The following ABL1 variants were observed in gnomAD, a reference collection of about 807,000 sequenced individuals.
ABL1 encodes tyrosine-protein kinase ABL1.
ABL1 carries 11 observed loss-of-function variants against 94.7 expected under a neutral mutation model. The observed-to-expected ratio is 0.12, with a 90% CI of 0.07 to 0.19. The LOEUF (loss-of-function observed/expected upper bound fraction) is 0.19. Ranked by LOEUF, ABL1 falls within the 10% of genes least tolerant of loss-of-function variation. The pLI is 1.00. For synonymous variants in ABL1, 656 were observed against 622.4 expected (o/e 1.05, Z -0.80); for missense variants, 1,082 against 1,489.4 (o/e 0.73, Z 4.50).
Position 130,887,482 on chromosome 9 carries a change from C to T in ABL1, c.*1799C>T, listed in dbSNP as rs1831608455. 1 of 233,232 alleles carries T rather than the reference C, an allele frequency of 4.3e-6. No homozygotes were observed. The highest frequency in any genetic ancestry group is 5.6e-5 in the Admixed American group (1 of 17,744). 14.4% of individuals were successfully genotyped at this position (233,232 alleles called of 1,614,324 possible). A position where few individuals can be genotyped will look rare whatever the true frequency, so the allele number is the denominator to read the frequency against. ...TTTACACGTATCTCTTGGTATGCATCTTTTATAGACGCTCTTTTCTAAGTG... is the reference window on the plus strand; with the variant it reads ...TTTACACGTATCTCTTGGTATGCATTTTTTATAGACGCTCTTTTCTAAGTG... On this transcript the variant is annotated 3_prime_UTR_variant, in exon 11 of 11. Coordinates refer to ENST00000318560, the MANE Select transcript of ABL1 (RefSeq NM_005157.6).
intron 4 of ABL1, among the ~76,000 whole-genome samples, chr9:130,864,899 A>C (rs1296771670): frequency 3.3e-5 from 5 of 152,218 alleles, no homozygotes. Flanking sequence ...TTCCAAGCGC[A>C]AAATACCCTA....
At chr9:130,714,547 TC>T (rs1831411889) in intron 1 of ABL1, 1 of 1,486,192 alleles carries the variant, frequency 6.7e-7, no homozygotes, top group South Asian at 1.1e-5. Flanking sequence ...TTGCGACAGT[TC>T]CTTCCAATTC....
intron 1 of ABL1, among the ~76,000 whole-genome samples, chr9:130,720,947 T>G (rs753436738): frequency 5.9e-5 from 9 of 151,334 alleles, no homozygotes; most frequent in Non-Finnish European, 1.3e-4. Flanking sequence ...GCTGCAGTGG[T>G]AAGCTGTGAT....
chr9:130,735,961 A>ATATATATATATTTTTT (rs573602038), intron 1 of ABL1, among the ~76,000 whole-genome samples: 22 of 94,832 alleles, frequency 2.3e-4, no homozygotes, highest in African/African-American at 8.3e-4. Flanking sequence ...ATATATATAT[A>ATATATATATATTTTTT]TTTTTTTTTT....
rs375101443 is a variant in ABL1, at chr9:130,856,158, G to A, written c.549+1062G>A. 3.2e-4 allele frequency among the ~76,000 whole-genome samples: 49 copies of A among 152,248 alleles called. 1 individual carries two copies. In the East Asian group the frequency reaches 5.6e-3, roughly 17 times the overall value. On this transcript the variant is annotated intron_variant, in intron 3 of 10. Coordinates refer to ENST00000318560, the MANE Select transcript of ABL1 (RefSeq NM_005157.6). Reference sequence around the variant, plus strand: ...AGCTGGAGTGCAATGGTGCGTTCTCGGCTTACTGCAACCTCCACCTCCCGG... The same window carrying A: ...AGCTGGAGTGCAATGGTGCGTTCTCAGCTTACTGCAACCTCCACCTCCCGG...
rs35188504 is a variant in ABL1, at chr9:130,718,317, CA to C, written c.136+3882del. Among the ~76,000 whole-genome samples, 194 of 73,050 alleles carry C rather than the reference CA, an allele frequency of 2.7e-3. 1 individual carries two copies. The highest frequency in any genetic ancestry group is 8.6e-3 in the Middle Eastern group (1 of 116). 47.9% of individuals were successfully genotyped at this position (73,050 alleles called of 152,430 possible). On this transcript the variant is annotated intron_variant, in intron 1 of 10. Coordinates refer to the ABL1 transcript ENST00000372348. ...TGGGTAACAGAATGAGACTCTGTCT[CA>C]AAAAAAAAAAAAAAAAAAAGAAACT...
chr9:130,758,852 A>C (rs1832074317), intron 1 of ABL1, among the ~76,000 whole-genome samples: 1 of 152,188 alleles, frequency 6.6e-6, no homozygotes, highest in South Asian at 2.1e-4. Flanking sequence ...TTTTCGGTGC[A>C]TCTCATCGAT....
In ABL1 at chr9:130,885,551, C is replaced by G; in HGVS notation, c.3261C>G (p.Ile1087Met). Residue 1087 changes from isoleucine (I) to methionine (M), a missense_variant, in exon 11 of 11, where the codon ATC becomes ATG. Ile to Met is a conservative substitution (Grantham distance 10). Coordinates refer to ENST00000318560, the MANE Select transcript of ABL1 (RefSeq NM_005157.6). ...MRNKFAFREAINKLENNLREL... is the reference protein window; with the variant it reads ...MRNKFAFREAMNKLENNLREL... ...ACAAGTTTGCCTTCCGAGAGGCCATCAACAAACTGGAGAATAATCTCCGGG... is the reference window on the plus strand; with the variant it reads ...ACAAGTTTGCCTTCCGAGAGGCCATGAACAAACTGGAGAATAATCTCCGGG... 6.2e-7 allele frequency: 1 copy of G among 1,614,150 alleles called. No individual in the cohort carries two copies. Among genetic ancestry groups the G allele is most frequent in the Non-Finnish European group, 8.5e-7 (1 of 1,180,052 alleles).
chr9:130,843,847 G>A (rs1225985618), intron 1 of ABL1, among the ~76,000 whole-genome samples: 1 of 152,128 alleles, frequency 6.6e-6, no homozygotes, highest in African/African-American at 2.4e-5. Flanking sequence ...GAAAGCAGGA[G>A]TAGAGGGCCA....
Position 130,830,068 on chromosome 9 carries a change from C to G in ABL1, c.137-23996C>G, listed in dbSNP as rs931339633. Among the ~76,000 whole-genome samples the G allele has an allele frequency of 3.9e-5, 6 of 152,184 alleles. No homozygotes were observed. In the East Asian group the frequency reaches 1.2e-3, roughly 29 times the overall value. On this transcript the variant is annotated intron_variant, in intron 1 of 10. Coordinates refer to the ABL1 transcript ENST00000372348. ...AGCCTTTTTTACAAGACTTTTAGTACTGCTTGAGTTTTAACCATGTTATGT... is the reference window on the plus strand; with the variant it reads ...AGCCTTTTTTACAAGACTTTTAGTAGTGCTTGAGTTTTAACCATGTTATGT...
At chr9:130,727,759 C>A (rs561950443) in intron 1 of ABL1, among the ~76,000 whole-genome samples, 2 of 135,382 alleles carry the variant, frequency 1.5e-5, no homozygotes, top group Admixed American at 7.1e-5. Flanking sequence ...CCGCCCCCCC[C>A]CCCCAAAAAA....
intron 1 of ABL1, among the ~76,000 whole-genome samples, chr9:130,795,321 T>G (rs1400894616): frequency 6.6e-6 from 1 of 152,228 alleles, no homozygotes; most frequent in Admixed American, 6.5e-5. Flanking sequence ...ACTTAATACA[T>G]TTTGTTTAAA....
intron 1 of ABL1, among the ~76,000 whole-genome samples, chr9:130,718,445 T>C (rs1271298449): frequency 6.6e-6 from 1 of 151,798 alleles, no homozygotes; most frequent in African/African-American, 2.4e-5. Flanking sequence ...GTAATAAAAA[T>C]ATTTGTTTTT....
chr9:130,784,908 A>G (rs9695221), intron 1 of ABL1, among the ~76,000 whole-genome samples: 38,715 of 152,106 alleles, frequency 0.25, 6,757 homozygotes, highest in African/African-American at 0.51. Context: ...TGTTGGGATG[A>G]GTGGAAGGTT....
chr9:130,878,391 C>CT (rs754121703), intron 7 of ABL1, 24 bp from the exon 8 acceptor site: 1 of 1,613,042 alleles, frequency 6.2e-7, no homozygotes, highest in South Asian at 1.1e-5. Flanking sequence ...CTTGAACAGC[C>CT]TTTCTCTTTC....
intron 1 of ABL1, among the ~76,000 whole-genome samples, chr9:130,807,343 G>A (rs1015297589): frequency 6.6e-6 from 1 of 151,746 alleles, no homozygotes; most frequent in African/African-American, 2.4e-5. Context: ...CCACCTCCTG[G>A]GTTCAAGAGA....
At chr9:130,858,314 G>A (rs996274475) in intron 3 of ABL1, among the ~76,000 whole-genome samples, 1 of 152,152 alleles carries the variant, frequency 6.6e-6, no homozygotes, top group African/African-American at 2.4e-5. Flanking sequence ...ATCTGCCTAA[G>A]ATGCCTCTGT....
chr9:130,763,967 C>T (rs1369654514), intron 1 of ABL1, among the ~76,000 whole-genome samples: 1 of 152,104 alleles, frequency 6.6e-6, no homozygotes, highest in East Asian at 1.9e-4. Context: ...GAACATGAAC[C>T]TAACATAATG....
At chr9:130,754,788 T>G (rs1280236711) in intron 1 of ABL1, among the ~76,000 whole-genome samples, 3 of 152,164 alleles carry the variant, frequency 2.0e-5, no homozygotes, top group South Asian at 2.1e-4. Flanking sequence ...GCACTCTTCC[T>G]TTTCTGAGTG....
Sources: allele counts gnomAD v4.1 joint callset (sites outside exome capture counted in the v4.1 genomes callset), GRCh38; gene constraint gnomAD v4.1.1; transcripts MANE v1.5; gene names NCBI Gene and HGNC (gene_info 2026-07-23, HGNC 2026-07-21).